Variants in LRRTM4 observed in about 807,000 individuals in gnomAD.
LRRTM4 encodes the protein leucine rich repeat transmembrane neuronal 4, also known as leucine-rich repeat transmembrane neuronal protein 4.
A neutral mutation model predicts 47.6 loss-of-function variants in LRRTM4; 25 were observed. That is an observed-to-expected ratio of 0.53 (90% CI 0.38 to 0.73). The LOEUF is 0.73. Among genes scored for constraint, LRRTM4 ranks in the 30% least tolerant of loss-of-function variants. The pLI, the probability that LRRTM4 is intolerant of heterozygous loss-of-function variation, is 0.00. For synonymous variants in LRRTM4, 311 were observed against 269.5 expected (o/e 1.15, Z -1.51); for missense variants, 638 against 713.4 (o/e 0.89, Z 1.20).
chr2:76,804,369 G>A (rs2103786635), intron 3 of LRRTM4, among the ~76,000 whole-genome samples: 1 of 151,932 alleles, frequency 6.6e-6, no homozygotes, highest in South Asian at 2.1e-4. Flanking sequence ...AATTTTATTT[G>A]AAAACATGAG....
At chr2:77,390,277 A>G (rs1673449176) in intron 3 of LRRTM4, among the ~76,000 whole-genome samples, 1 of 152,086 alleles carries the variant, frequency 6.6e-6, no homozygotes, top group Admixed American at 6.6e-5. Context: ...GAGAGAGTAA[A>G]GCAGTGGACG....
rs115628262 is a variant in LRRTM4, at chr2:76,878,200, G to A, written c.1552-129284C>T. Among the ~76,000 whole-genome samples, 939 of 152,134 alleles carry A rather than the reference G, an allele frequency of 6.2e-3. 12 individuals carry two copies. The highest frequency in any genetic ancestry group is 0.022 in the African/African-American group (897 of 41,508). ...CGTAATTGTTTTGGGCACAGCAAAC[G>A]GCACTCATATAAAACATGGCAAACT... On this transcript the variant is annotated intron_variant, in intron 3 of 3. Coordinates refer to ENST00000409884, the MANE Select transcript of LRRTM4 (RefSeq NM_001134745.3).
At chr2:76,877,752 A>G (rs1466740138) in intron 3 of LRRTM4, among the ~76,000 whole-genome samples, 1 of 152,182 alleles carries the variant, frequency 6.6e-6, no homozygotes, top group East Asian at 1.9e-4. Context: ...CTGAGGATCG[A>G]GCATTGAAGT....
At chr2:76,836,314 GT>G (rs952654269) in intron 3 of LRRTM4, among the ~76,000 whole-genome samples, 1 of 151,796 alleles carries the variant, frequency 6.6e-6, no homozygotes, top group African/African-American at 2.4e-5. Flanking sequence ...ACCTAATCAA[GT>G]TTTTTTTAAG....
intron 3 of LRRTM4, among the ~76,000 whole-genome samples, chr2:77,365,456 T>C (rs547117433): frequency 8.5e-5 from 13 of 152,102 alleles, no homozygotes; most frequent in African/African-American, 2.9e-4. Flanking sequence ...GGTTTTCTTT[T>C]GGCATAGATT....
rs554329713 is a variant in LRRTM4, at chr2:77,028,835, A to G, written c.1552-279919T>C. On this transcript the variant is annotated intron_variant, in intron 3 of 3. Coordinates refer to ENST00000409884, the MANE Select transcript of LRRTM4 (RefSeq NM_001134745.3). ...CAAATCATGAGGTCAGGAGATCAAG[A>G]CCATCCTGGCTAACACGGTGAAACC... Among the ~76,000 whole-genome samples, 374 of 151,810 alleles carry G rather than the reference A, an allele frequency of 2.5e-3. 8 individuals carry two copies. Among genetic ancestry groups the G allele is most frequent in the East Asian group, 0.019 (98 of 5,138 alleles).
At chr2:77,431,047 C>T (rs372528983) in intron 3 of LRRTM4, among the ~76,000 whole-genome samples, 12 of 149,082 alleles carry the variant, frequency 8.0e-5, no homozygotes, top group Admixed American at 4.6e-4. Flanking sequence ...AGCCCTCCAG[C>T]ATCTCAGGTC....
intron 3 of LRRTM4, among the ~76,000 whole-genome samples, chr2:77,065,498 T>C (rs1354531242): frequency 6.6e-6 from 1 of 152,212 alleles, no homozygotes; most frequent in Non-Finnish European, 1.5e-5. Flanking sequence ...AATACATGTT[T>C]GTTCAGTGAG....
chr2:76,853,196 G>A (rs1929444), intron 3 of LRRTM4, among the ~76,000 whole-genome samples: 20,863 of 152,126 alleles, frequency 0.14, 1,827 homozygotes, highest in Admixed American at 0.2. Flanking sequence ...TGGGTACAGT[G>A]TGGAGAATAA....
intron 3 of LRRTM4, among the ~76,000 whole-genome samples, chr2:76,842,567 G>C (rs1414636414): frequency 6.6e-6 from 1 of 152,122 alleles, no homozygotes; most frequent in East Asian, 1.9e-4. Flanking sequence ...CTGTTAGGCA[G>C]AATCATCTAA....
At chr2:77,266,742 T>C (rs1676060397) in intron 3 of LRRTM4, among the ~76,000 whole-genome samples, 1 of 152,000 alleles carries the variant, frequency 6.6e-6, no homozygotes. Context: ...GTTCTGCAAA[T>C]CAACAGAACT....
At chr2:76,929,716 T>C (rs1320983665) in intron 3 of LRRTM4, among the ~76,000 whole-genome samples, 1 of 152,122 alleles carries the variant, frequency 6.6e-6, no homozygotes, top group East Asian at 1.9e-4. Context: ...TTCTGTATAA[T>C]AAAATGAGTG....
At chr2:77,408,212 G>T (rs1031100188) in intron 3 of LRRTM4, among the ~76,000 whole-genome samples, 1 of 151,964 alleles carries the variant, frequency 6.6e-6, no homozygotes, top group African/African-American at 2.4e-5. Context: ...TCCTGTTTAC[G>T]TTTGTTTTTT....
chr2:76,963,512 C>T (rs896008285), intron 3 of LRRTM4, among the ~76,000 whole-genome samples: 12 of 150,804 alleles, frequency 8.0e-5, no homozygotes, highest in Non-Finnish European at 1.5e-5. Context: ...ATATTTGATT[C>T]AGAAATAATT....
intron 3 of LRRTM4, among the ~76,000 whole-genome samples, chr2:77,411,613 CG>C (rs1558731221): frequency 7.5e-6 from 1 of 133,880 alleles, no homozygotes; most frequent in African/African-American, 2.9e-5. Context: ...CCACCATGCC[CG>C]GCTATTTTTT....
intron 3 of LRRTM4, among the ~76,000 whole-genome samples, chr2:76,812,222 C>A (rs578189496): frequency 1.3e-5 from 2 of 152,088 alleles, no homozygotes; most frequent in Non-Finnish European, 2.9e-5. Flanking sequence ...TATATCTAAT[C>A]CAATTTTCAG....
chr2:77,098,576 G>T (rs1246331421), intron 3 of LRRTM4, among the ~76,000 whole-genome samples: 1 of 151,884 alleles, frequency 6.6e-6, no homozygotes, highest in East Asian at 1.9e-4. Flanking sequence ...TATTCACAGG[G>T]CCTCTTGCTA....
chr2:77,045,638 C>G lies in LRRTM4; in HGVS notation c.1552-296722G>C, dbSNP rs147110140. On this transcript the variant is annotated intron_variant, in intron 3 of 3. Transcript: ENST00000409884. ...GATGGTTATTATAAGGAGGAGTTTT[C>G]CTGCACAAGCTCTCTCTTTGCTTGC... is the stretch of plus-strand genomic sequence containing the variant. 8.6e-3 allele frequency among the ~76,000 whole-genome samples: 1,302 copies of G among 152,012 alleles called. 12 individuals are homozygous for G. The highest frequency in any genetic ancestry group is 0.014 in the Non-Finnish European group (955 of 67,946).
chr2:77,017,966 T>C (rs987430756), intron 3 of LRRTM4, among the ~76,000 whole-genome samples: 2 of 151,820 alleles, frequency 1.3e-5, no homozygotes, highest in African/African-American at 4.8e-5. Flanking sequence ...GGCATAATAC[T>C]TAAATATATT....
Sources: allele counts gnomAD v4.1 joint callset (sites outside exome capture counted in the v4.1 genomes callset), GRCh38; gene constraint gnomAD v4.1.1; transcripts MANE v1.5; gene names NCBI Gene and HGNC (gene_info 2026-07-23, HGNC 2026-07-21).